HS6ST2: variants seen among roughly 807,000 people sequenced by gnomAD.
The protein encoded by HS6ST2 is heparan-sulfate 6-O-sulfotransferase 2.
A neutral mutation model predicts 33.0 loss-of-function variants in HS6ST2; 17 were observed. That is an observed-to-expected ratio of 0.52 (90% CI 0.35 to 0.77). The LOEUF (loss-of-function observed/expected upper bound fraction) is 0.77. Ranked by LOEUF, HS6ST2 falls within the 30% of genes least tolerant of loss-of-function variation. HS6ST2 has a pLI of 0.01. For missense variants in HS6ST2, 519 were observed against 551.7 expected, an observed-to-expected ratio of 0.94 and a Z score of 0.59; for synonymous variants, 248 against 237.1, an observed-to-expected ratio of 1.05 and a Z score of -0.42.
chrX:132,708,299 TAAAAAAAAAAAAAAA>T (rs36028236), intron 3 of HS6ST2, among the ~76,000 whole-genome samples, 148 bp downstream of exon 3: 5 of 21,202 alleles, frequency 2.4e-4, no homozygotes, highest in Non-Finnish European at 4.0e-4. Context: ...TGTTTTAAAC[TAAAAAAAAAAAAAAA>T]AAAAAAAAAA....
At chrX:132,714,105 G>T (rs758486638) in intron 2 of HS6ST2, among the ~76,000 whole-genome samples, 41 of 111,741 alleles carry the variant, frequency 3.7e-4, no homozygotes, top group Admixed American at 9.5e-5. Context: ...TTATTCCCTA[G>T]AATGGACATT....
intron 2 of HS6ST2, among the ~76,000 whole-genome samples, chrX:132,783,249 C>G (rs2065030513): frequency 9.0e-6 from 1 of 111,670 alleles, no homozygotes; most frequent in African/African-American, 3.3e-5. Flanking sequence ...TACCCTGGTG[C>G]CTGGTGCTTG....
intron 2 of HS6ST2, among the ~76,000 whole-genome samples, chrX:132,877,902 C>T (rs748500438): frequency 7.2e-5 from 8 of 110,633 alleles, no homozygotes; most frequent in African/African-American, 2.3e-4. Context: ...TTGGAGGAGA[C>T]GGTCTTGGAA....
intron 3 of HS6ST2, among the ~76,000 whole-genome samples, chrX:132,702,762 G>A (rs1045815941): frequency 9.0e-6 from 1 of 110,762 alleles, no homozygotes; most frequent in African/African-American, 3.3e-5. Flanking sequence ...TGATAATCTT[G>A]TTCATTTACT....
rs185908271 is a variant in HS6ST2, at chrX:132,671,983, C to T, written c.981-2784G>A. ...TTTACCTAACATTGACAGAAAAAGT[C>T]TTCATTCCTCCACCAAAATCCAGGT... On this transcript the variant is annotated intron_variant, in intron 3 of 4. Coordinates refer to ENST00000370833, the MANE Select transcript of HS6ST2 (RefSeq NM_001394073.1). 3.8e-4 allele frequency among the ~76,000 whole-genome samples: 42 copies of T among 111,750 alleles called. 1 individual carries two copies. In the East Asian group the frequency reaches 0.01, roughly 28 times the overall value.
rs184152739 is a variant in HS6ST2 at position 132,768,007 on chromosome X, T to A, written c.948-59513A>T. Among the ~76,000 whole-genome samples, 31 of 111,026 alleles carry A rather than the reference T, an allele frequency of 2.8e-4. No homozygotes were observed. In the Admixed American group the frequency reaches 3.0e-3, roughly 11 times the overall value. On this transcript the variant is annotated intron_variant, in intron 2 of 4. Coordinates refer to ENST00000370833, the MANE Select transcript of HS6ST2 (RefSeq NM_001394073.1). ...GCCAGGGTCTCTCAGAGTTGATACA[T>A]CTTTACGTTGAAGGTTTTGCTAATG...
intron 2 of HS6ST2, among the ~76,000 whole-genome samples, chrX:132,853,473 A>C (rs1228207665): frequency 9.1e-6 from 1 of 110,263 alleles, no homozygotes; most frequent in Non-Finnish European, 1.9e-5. Context: ...ACAAACTTTA[A>C]ATCTGGAGTT....
chrX:132,642,632 A>C (rs994942045), intron 4 of HS6ST2, among the ~76,000 whole-genome samples: 1 of 111,666 alleles, frequency 9.0e-6, no homozygotes, highest in African/African-American at 3.3e-5. Flanking sequence ...GGAAATAAGC[A>C]TTCTATACAG....
Position 132,698,963 on chromosome X carries a change from T to C in HS6ST2, c.980+9499A>G, listed in dbSNP as rs775379736. Among the ~76,000 whole-genome samples the C allele has an allele frequency of 9.8e-5, 11 of 112,194 alleles. No homozygotes were observed. The East Asian group carries it at 3.1e-3, about 31-fold the overall frequency. ...TATCTGTAATGACTGAATTAATTAA[T>C]GTAGTAGTACATTTTCAATCACATT... On this transcript the variant is annotated intron_variant, in intron 3 of 4. Transcript: ENST00000370833.
At chrX:132,644,780 C>A (rs1457142893) in intron 4 of HS6ST2, among the ~76,000 whole-genome samples, 1 of 110,563 alleles carries the variant, frequency 9.0e-6, no homozygotes, top group African/African-American at 3.3e-5. Flanking sequence ...TCCCACCAAT[C>A]AGAAACAAAG....
chrX:132,812,601 T>C (rs1222031435), intron 2 of HS6ST2, among the ~76,000 whole-genome samples: 1 of 107,217 alleles, frequency 9.3e-6, no homozygotes, highest in Non-Finnish European at 1.9e-5. Flanking sequence ...GGAGAAATTA[T>C]TCAAGCCCTT....
intron 2 of HS6ST2, among the ~76,000 whole-genome samples, chrX:132,913,123 C>T (rs1182381254): frequency 1.8e-5 from 2 of 111,272 alleles, no homozygotes; most frequent in Non-Finnish European, 3.8e-5. Flanking sequence ...TGAGAGCTGC[C>T]ATGCAATAAA....
Position 132,958,390 on chromosome X carries a change from G to A in HS6ST2, c.213C>T (p.Pro71=). 7 of 1,199,079 alleles carry A rather than the reference G, an allele frequency of 5.8e-6. No homozygotes were observed. The highest frequency in any genetic ancestry group is 7.8e-6 in the Non-Finnish European group (7 of 892,509). The change falls in exon 1 of 5, where the codon CCC becomes CCT. Residue 71 remains proline, a synonymous_variant. Coordinates refer to ENST00000370833, the MANE Select transcript of HS6ST2 (RefSeq NM_001394073.1). Reference sequence around the variant, plus strand: ...CCGCCAGGGAAGAAGACGCCTTTCGGGGCTTGTCCAGGAGCGGCCGGGTGT... The same window carrying A: ...CCGCCAGGGAAGAAGACGCCTTTCGAGGCTTGTCCAGGAGCGGCCGGGTGT... The part of the protein sequence containing the change: ...GFHTRPLLDK[P]RKASSSLAGA...
At chrX:132,948,724 C>G (rs2066979943) in intron 2 of HS6ST2, among the ~76,000 whole-genome samples, 1 of 112,369 alleles carries the variant, frequency 8.9e-6, no homozygotes. Flanking sequence ...TTTATCTAAG[C>G]TTACAAGGAC....
intron 2 of HS6ST2, among the ~76,000 whole-genome samples, chrX:132,802,052 T>C (rs1047651718): frequency 4.5e-5 from 5 of 112,139 alleles, no homozygotes; most frequent in Non-Finnish European, 7.5e-5. Flanking sequence ...TCTGAATGAA[T>C]GCAATTAACA....
Position 132,834,570 on chromosome X carries a change from T to G in HS6ST2, c.947+122238A>C, listed in dbSNP as rs538398648. 1.3e-3 allele frequency among the ~76,000 whole-genome samples: 150 copies of G among 112,319 alleles called. No homozygotes were observed. The South Asian group carries it at 0.014, about 10-fold the overall frequency. On this transcript the variant is annotated intron_variant, in intron 2 of 4. Transcript: ENST00000370833. ...AGGCTAAACTCATCTCAGGGGGCAA[T>G]GAGTTCTGAATACTTCATTTCCAAG...
chrX:132,904,783 C>T (rs931739574), intron 2 of HS6ST2, among the ~76,000 whole-genome samples: 1 of 108,744 alleles, frequency 9.2e-6, no homozygotes, highest in African/African-American at 3.4e-5. Flanking sequence ...CCACATTGGC[C>T]TCCCAAAGTG....
At position 132,669,106 on chromosome X, in the gene HS6ST2, C is replaced by G. The variant is rs757176204; in HGVS notation, c.1067+7G>C. 5 of 1,164,946 alleles carry G rather than the reference C, an allele frequency of 4.3e-6. No homozygotes were observed. In the East Asian group the frequency reaches 9.0e-5, roughly 21 times the overall value. ...TGTCAGATGTACAGGAGCACTTTTTCACTTACTTCCCACTCTTAGATGTGT... is the reference window on the plus strand; with the variant it reads ...TGTCAGATGTACAGGAGCACTTTTTGACTTACTTCCCACTCTTAGATGTGT... On this transcript the variant is annotated splice_region_variant and intron_variant, in intron 4 of 4. Transcript: ENST00000370833.
intron 2 of HS6ST2, among the ~76,000 whole-genome samples, chrX:132,840,364 T>C (rs185723436): frequency 9.0e-6 from 1 of 110,686 alleles, no homozygotes; most frequent in Non-Finnish European, 1.9e-5. Context: ...TATTTTGGAA[T>C]GAGGCAAGCG....
Sources: allele counts gnomAD v4.1 joint callset (sites outside exome capture counted in the v4.1 genomes callset), GRCh38; gene constraint gnomAD v4.1.1; transcripts MANE v1.5; gene names NCBI Gene and HGNC (gene_info 2026-07-23, HGNC 2026-07-21).